Variants in AVEN observed in about 807,000 individuals in gnomAD.
AVEN encodes the protein cell death regulator Aven.
Under a neutral mutation model 38.1 loss-of-function variants are expected in AVEN, and 41 were observed. The observed-to-expected ratio is 1.08, with a 90% CI of 0.84 to 1.40. AVEN has a LOEUF of 1.40. AVEN is among the 40% of genes most tolerant of loss of function. The pLI is 0.00. For missense variants in AVEN, 605 were observed against 438.8 expected, an observed-to-expected ratio of 1.38 and a Z score of -3.38; for synonymous variants, 206 against 171.8, an observed-to-expected ratio of 1.20 and a Z score of -1.56.
chr15:33,900,311 T>A (rs116575587), intron 2 of AVEN, among the ~76,000 whole-genome samples: 78,360 of 137,212 alleles, frequency 0.57, 21,213 homozygotes, highest in Middle Eastern at 0.68. Context: ...GGAGAACATT[T>A]TTTTTTTTTT....
chr15:33,872,306 A>G (rs1403550891), intron 3 of AVEN, among the ~76,000 whole-genome samples: 1 of 152,120 alleles, frequency 6.6e-6, no homozygotes, highest in East Asian at 1.9e-4. Context: ...CTGAGTGTCC[A>G]GTATCTGTAT....
intron 2 of AVEN, among the ~76,000 whole-genome samples, chr15:33,933,352 G>GACAGGTTAGACC (rs1567420428): frequency 6.6e-6 from 1 of 152,150 alleles, no homozygotes; most frequent in African/African-American, 2.4e-5. Context: ...TTAGACCTGA[G>GACAGGTTAGACC]TGATCTGTTC....
chr15:33,879,182 G>A (rs981224306), intron 2 of AVEN, among the ~76,000 whole-genome samples: 1 of 151,640 alleles, frequency 6.6e-6, no homozygotes, highest in Admixed American at 6.6e-5. Context: ...ACCGGATTAA[G>A]AAAATGTGGC....
intron 2 of AVEN, among the ~76,000 whole-genome samples, chr15:33,976,493 G>C (rs1054699714): frequency 1.3e-5 from 2 of 152,112 alleles, no homozygotes; most frequent in African/African-American, 4.8e-5. Context: ...TGCCATGCCC[G>C]CATCAGATTT....
chr15:33,922,221 T>C (rs1302373914), intron 2 of AVEN, among the ~76,000 whole-genome samples: 2 of 152,114 alleles, frequency 1.3e-5, no homozygotes, highest in Non-Finnish European at 1.5e-5. Context: ...CGAAAATGAT[T>C]CCTAATGGAA....
chr15:33,858,363 C>T (rs1381654353), downstream of AVEN, among the ~76,000 whole-genome samples: 1 of 152,112 alleles, frequency 6.6e-6, no homozygotes, highest in Non-Finnish European at 1.5e-5. Flanking sequence ...CACCACCACA[C>T]CTGGCTAATT....
At chr15:33,993,537 G>A (rs575201855) in intron 2 of AVEN, among the ~76,000 whole-genome samples, 2 of 152,258 alleles carry the variant, frequency 1.3e-5, no homozygotes, top group East Asian at 1.9e-4. Context: ...CCACCTCTAT[G>A]GTGGTAACAG....
At chr15:33,853,974 A>C (rs1196709569), downstream of AVEN, among the ~76,000 whole-genome samples, 2 of 152,098 alleles carry the variant, frequency 1.3e-5, no homozygotes, top group Non-Finnish European at 2.9e-5. Context: ...TGGGCAGATC[A>C]TGAGGTCAGG....
chr15:33,859,439 A>C, intron 11 of AVEN: 1 of 820,438 alleles, frequency 1.2e-6, no homozygotes, highest in Non-Finnish European at 2.0e-6. Context: ...CAGCATGAAT[A>C]CTGGCACCTC....
chr15:34,022,137 G>A (rs771988093), intron 1 of AVEN, among the ~76,000 whole-genome samples: 24 of 152,198 alleles, frequency 1.6e-4, no homozygotes, highest in Non-Finnish European at 3.1e-4. Context: ...TGGCTGGCAT[G>A]CCCTTCTTTT....
intron 5 of AVEN, 62 bp from the exon 6 acceptor site, chr15:33,866,790 A>T: frequency 8.3e-7 from 1 of 1,197,902 alleles, no homozygotes; most frequent in Non-Finnish European, 1.2e-6. Flanking sequence ...GGTATAATTC[A>T]GCCCAATTTA....
chr15:33,874,943 G>A (rs1383217995), intron 3 of AVEN, among the ~76,000 whole-genome samples: 2 of 152,182 alleles, frequency 1.3e-5, no homozygotes, highest in Non-Finnish European at 2.9e-5. Flanking sequence ...TACCTCAGGC[G>A]TAGGCCCAGA....
Position 33,897,949 on chromosome 15 carries a change from G to C in AVEN, c.446-21954C>G, listed in dbSNP as rs184458802. 1.7e-3 allele frequency among the ~76,000 whole-genome samples: 265 copies of C among 152,272 alleles called. 1 individual carries two copies. The highest frequency in any genetic ancestry group is 3.0e-3 in the Non-Finnish European group (202 of 68,014). On this transcript the variant is annotated intron_variant, in intron 2 of 5. Coordinates refer to ENST00000306730, the MANE Select transcript of AVEN (RefSeq NM_020371.3). ...TCACGCCTGTAATCCCAGCACTTTG[G>C]GAGGTCGAAGGGGGCGGATCACAAG...
At position 34,020,990 on chromosome 15, in the gene AVEN, GAA is replaced by G. The variant is rs768109806; in HGVS notation, c.268-17783_268-17782del. On this transcript the variant is annotated intron_variant, in intron 1 of 5. Transcript: ENST00000306730. ...GAATGAATCACTGGGCCATGCATCT[GAA>G]AAGTCTTTTTCTGCATATACACTTT... Among the ~76,000 whole-genome samples the G allele has an allele frequency of 1.4e-3, 216 of 152,288 alleles. 2 individuals are homozygous for G. The highest frequency in any genetic ancestry group is 2.6e-3 in the Non-Finnish European group (178 of 68,016).
At chr15:33,883,096 T>C (rs1183014693) in intron 2 of AVEN, among the ~76,000 whole-genome samples, 2 of 152,210 alleles carry the variant, frequency 1.3e-5, no homozygotes, top group African/African-American at 4.8e-5. Flanking sequence ...CCTAGTCAGT[T>C]ACTATTTGAG....
intron 2 of AVEN, among the ~76,000 whole-genome samples, chr15:33,906,942 AG>A (rs990017947): frequency 3.3e-5 from 5 of 151,522 alleles, no homozygotes; most frequent in Non-Finnish European, 5.9e-5. Flanking sequence ...GTTTTTAAAA[AG>A]GGGTGTGGGG....
intron 2 of AVEN, among the ~76,000 whole-genome samples, chr15:33,917,749 G>A (rs939654780): frequency 3.3e-5 from 5 of 152,034 alleles, no homozygotes; most frequent in Admixed American, 2.0e-4. Flanking sequence ...AAAACTAAAC[G>A]TCATATGTTC....
At chr15:34,062,889 A>C (rs1900394601) in intron 5 of AVEN, 1 of 1,614,184 alleles carries the variant, frequency 6.2e-7, no homozygotes. Context: ...CTTCAAAGTC[A>C]ACAGCCAGCT....
chr15:33,936,241 T>A (rs1197061918), intron 2 of AVEN, among the ~76,000 whole-genome samples: 1 of 151,850 alleles, frequency 6.6e-6, no homozygotes, highest in Non-Finnish European at 1.5e-5. Flanking sequence ...CAAAACTAAC[T>A]CTGCATACAG....
Sources: allele counts gnomAD v4.1 joint callset (sites outside exome capture counted in the v4.1 genomes callset), GRCh38; gene constraint gnomAD v4.1.1; transcripts MANE v1.5; gene names NCBI Gene and HGNC (gene_info 2026-07-23, HGNC 2026-07-21).